Variants in RARB observed in about 807,000 individuals in gnomAD.
RARB encodes the protein HBV-activated protein.
Under a neutral mutation model 51.9 loss-of-function variants are expected in RARB, and 17 were observed. The ratio of observed to expected loss-of-function variants is 0.33; its 90% CI spans 0.22 to 0.49. The LOEUF is 0.49. Ranked by LOEUF, RARB falls within the 20% of genes least tolerant of loss-of-function variation. The pLI, the probability that RARB is intolerant of heterozygous loss-of-function variation, is 0.99. For missense variants in RARB, 369 were observed against 550.8 expected (o/e 0.67, Z 3.30); for synonymous variants, 215 against 195.4 (o/e 1.10, Z -0.84).
At chr3:25,040,730 G>C (rs1195665084) in intron 2 of RARB, among the ~76,000 whole-genome samples, 1 of 152,132 alleles carries the variant, frequency 6.6e-6, no homozygotes, top group African/African-American at 2.4e-5. Context: ...TTCAGCCTGG[G>C]TGACAGTGAG....
intron 4 of RARB, among the ~76,000 whole-genome samples, chr3:25,148,391 C>T (rs1282011665): frequency 6.6e-6 from 1 of 152,156 alleles, no homozygotes; most frequent in African/African-American, 2.4e-5. Context: ...TAAATTACAA[C>T]CTTGATATGT....
chr3:25,259,813 T>C lies in RARB; in HGVS notation c.178+85238T>C, dbSNP rs532297407. ...TATGCATGACCCAAAGTCATCTTCT[T>C]CCTCAGTAAAGTCAGAGCTCTTGGT... is the stretch of plus-strand genomic sequence containing the variant. On this transcript the variant is annotated intron_variant, in intron 5 of 11. Coordinates refer to the RARB transcript ENST00000383772. 1.0e-5 allele frequency: 7 copies of C among 696,206 alleles called. No individual in the cohort carries two copies. In the South Asian group the frequency reaches 3.9e-4, roughly 38 times the overall value. 43.1% of individuals were successfully genotyped at this position (696,206 alleles called of 1,614,324 possible).
In RARB at chr3:25,010,576, C is replaced by T. The variant is rs1409087782; in HGVS notation, c.-379-49549C>T. On this transcript the variant is annotated intron_variant, in intron 2 of 11. Transcript: ENST00000383772. ...ATTGTAGGGACTCACACTCAACTAACATTGGAGGATCTTCTATCTGGTTGC... is the reference window on the plus strand; with the variant it reads ...ATTGTAGGGACTCACACTCAACTAATATTGGAGGATCTTCTATCTGGTTGC... Among the ~76,000 whole-genome samples, 8 of 152,118 alleles carry T rather than the reference C, an allele frequency of 5.3e-5. No homozygotes were observed. In the South Asian group the frequency reaches 8.3e-4, roughly 16 times the overall value.
chr3:24,873,655 C>A (rs1702988461), intron 2 of RARB, among the ~76,000 whole-genome samples: 1 of 150,804 alleles, frequency 6.6e-6, no homozygotes, highest in Non-Finnish European at 1.5e-5. Flanking sequence ...TGTTATTTAT[C>A]AGTCTTCCCT....
chr3:24,872,710 C>T (rs144721955), intron 2 of RARB, among the ~76,000 whole-genome samples: 362 of 152,188 alleles, frequency 2.4e-3, no homozygotes, highest in African/African-American at 7.3e-3. Context: ...ATGAGGGGTC[C>T]GCTCCCATGA....
intron 5 of RARB, among the ~76,000 whole-genome samples, chr3:25,380,766 C>T (rs968690515): frequency 1.1e-4 from 17 of 152,038 alleles, no homozygotes; most frequent in African/African-American, 3.9e-4. Context: ...TAGCATCTTT[C>T]GTCTCCCTCC....
intron 5 of RARB, among the ~76,000 whole-genome samples, chr3:25,357,559 T>C (rs963669708): frequency 5.3e-5 from 8 of 152,358 alleles, no homozygotes; most frequent in African/African-American, 1.9e-4. Context: ...CCGTTGCTTT[T>C]GGTGTTTTAG....
chr3:25,365,144 G>A (rs1706073042), intron 5 of RARB, among the ~76,000 whole-genome samples: 2 of 148,532 alleles, frequency 1.3e-5, no homozygotes, highest in African/African-American at 2.5e-5. Context: ...TTCCTATCCA[G>A]AATGTCCTGT....
At chr3:24,833,799 T>C (rs1273064168) in intron 1 of RARB, among the ~76,000 whole-genome samples, 1 of 152,220 alleles carries the variant, frequency 6.6e-6, no homozygotes, top group Non-Finnish European at 1.5e-5. Flanking sequence ...GACCTGCCAG[T>C]ATTGGTGGAT....
intron 5 of RARB, among the ~76,000 whole-genome samples, chr3:25,249,710 A>T (rs1702659960): frequency 7.0e-6 from 1 of 142,766 alleles, no homozygotes; most frequent in African/African-American, 2.6e-5. Flanking sequence ...TTTGGCTGTA[A>T]ACAACATCAG....
chr3:25,022,212 C>A (rs1697653595), intron 2 of RARB, among the ~76,000 whole-genome samples: 2 of 152,182 alleles, frequency 1.3e-5, no homozygotes, highest in Admixed American at 6.5e-5. Flanking sequence ...CAGAACGTGA[C>A]CAGCATCTCA....
chr3:25,218,444 A>G (rs1431506980), intron 5 of RARB, among the ~76,000 whole-genome samples: 1 of 152,116 alleles, frequency 6.6e-6, no homozygotes, highest in Non-Finnish European at 1.5e-5. Flanking sequence ...GAAAAGTGTC[A>G]TTGTAAAATA....
At chr3:25,336,976 C>G (rs1056822177) in intron 5 of RARB, among the ~76,000 whole-genome samples, 1 of 151,994 alleles carries the variant, frequency 6.6e-6, no homozygotes, top group African/African-American at 2.4e-5. Context: ...TGGACGAGTT[C>G]AATAATTATT....
intron 5 of RARB, among the ~76,000 whole-genome samples, chr3:25,347,303 A>G (rs1705423592): frequency 6.6e-6 from 1 of 152,224 alleles, no homozygotes; most frequent in African/African-American, 2.4e-5. Context: ...TAAGTGAAAA[A>G]TGGATGAGGC....
At chr3:25,161,390 G>A (rs979537102) in intron 4 of RARB, among the ~76,000 whole-genome samples, 2 of 151,958 alleles carry the variant, frequency 1.3e-5, no homozygotes, top group Non-Finnish European at 2.9e-5. Flanking sequence ...AAGTCCTTTT[G>A]CCATATGAGG....
intron 3 of RARB, among the ~76,000 whole-genome samples, chr3:25,114,357 C>T (rs115390892): frequency 0.01 from 1,597 of 152,304 alleles, 26 homozygotes; most frequent in African/African-American, 0.036. Flanking sequence ...TATCCTACCA[C>T]TGAGCTACTC....
intron 3 of RARB, among the ~76,000 whole-genome samples, chr3:25,115,193 T>TA (rs1036258953): frequency 2.0e-4 from 31 of 152,206 alleles, no homozygotes; most frequent in Admixed American, 9.2e-4. Flanking sequence ...CATGTTTTAC[T>TA]AAAAAAATGG....
intron 2 of RARB, among the ~76,000 whole-genome samples, chr3:24,875,418 A>G (rs1703024508): frequency 6.6e-6 from 1 of 152,112 alleles, no homozygotes; most frequent in Admixed American, 6.6e-5. Context: ...ATCTTGGGCA[A>G]GTTCCTTATG....
upstream of RARB, among the ~76,000 whole-genome samples, chr3:25,425,188 G>A (rs968121458): frequency 6.6e-6 from 1 of 152,082 alleles, no homozygotes; most frequent in Admixed American, 6.5e-5. Flanking sequence ...GTTTAAAATG[G>A]GTGTCAGTAG....
Sources: gnomAD v4.1 joint callset for allele counts (sites outside exome capture counted in the v4.1 genomes callset) on GRCh38, gnomAD v4.1.1 for gene constraint, MANE v1.5 for transcripts, NCBI Gene and HGNC (gene_info 2026-07-23, HGNC 2026-07-21) for gene names.